The following CNBD1 variants were observed in gnomAD, a reference collection of about 807,000 sequenced individuals.
CNBD1 encodes cyclic nucleotide-binding domain-containing protein 1.
A neutral mutation model predicts 54.4 loss-of-function variants in CNBD1; 71 were observed. The observed-to-expected ratio is 1.30, with a 90% CI of 1.08 to 1.59. The LOEUF is 1.59. Ranked by LOEUF, CNBD1 falls within the 40% of genes most tolerant of loss-of-function variation. CNBD1 has a pLI of 0.00. For missense variants in CNBD1, 659 were observed against 518.0 expected (o/e 1.27, Z -2.64); for synonymous variants, 182 against 170.7 (o/e 1.07, Z -0.51).
intron 4 of CNBD1, among the ~76,000 whole-genome samples, chr8:86,972,174 A>G (rs1808237897): frequency 2.0e-5 from 3 of 150,946 alleles, no homozygotes; most frequent in Admixed American, 2.0e-4. Flanking sequence ...CTGATCTTGA[A>G]CTCCTGACCT....
At chr8:86,924,732 A>G (rs1450960343) in intron 3 of CNBD1, among the ~76,000 whole-genome samples, 1 of 152,206 alleles carries the variant, frequency 6.6e-6, no homozygotes, top group Non-Finnish European at 1.5e-5. Context: ...ATATTGCTAT[A>G]TATTAAAGCT....
At chr8:86,901,804 T>C (rs1808937655) in intron 2 of CNBD1, among the ~76,000 whole-genome samples, 1 of 152,096 alleles carries the variant, frequency 6.6e-6, no homozygotes, top group African/African-American at 2.4e-5. Flanking sequence ...GCCTTCTCTT[T>C]CATATTCCAC....
At chr8:87,244,987 A>G (rs559427876) in intron 6 of CNBD1, among the ~76,000 whole-genome samples, 1 of 152,296 alleles carries the variant, frequency 6.6e-6, no homozygotes, top group African/African-American at 2.4e-5. Flanking sequence ...AAATGTAAAC[A>G]TTAGAATATT....
chr8:87,048,529 A>G lies in CNBD1; in HGVS notation c.431+108775A>G, dbSNP rs78272572. Among the ~76,000 whole-genome samples, 817 of 152,236 alleles carry G rather than the reference A, an allele frequency of 5.4e-3. 7 individuals are homozygous for G. The highest frequency in any genetic ancestry group is 0.019 in the African/African-American group (776 of 41,524). The stretch of plus-strand genomic sequence containing the variant: ...CTCGAGGCACAATGTAGATGGTATT[A>G]TATGCCCAGTGCTTTTGGGTAACAG... On this transcript the variant is annotated intron_variant, in intron 4 of 10. Coordinates refer to ENST00000518476, the MANE Select transcript of CNBD1 (RefSeq NM_173538.3).
intron 6 of CNBD1, among the ~76,000 whole-genome samples, chr8:87,268,084 A>G (rs1336865792): frequency 2.0e-5 from 3 of 152,072 alleles, no homozygotes; most frequent in African/African-American, 4.8e-5. Flanking sequence ...CACAACAGGT[A>G]GCCTTCCAAC....
rs1809841407 is a variant in CNBD1 at position 87,331,935 on chromosome 8, A to T, written c.1043-19750A>T. ...TTGTTTTTTTCTTGTAAATTTGTTT[A>T]AATTCCCTGTAAATTCTGTATATTA... On this transcript the variant is annotated intron_variant, in intron 8 of 10. Transcript: ENST00000518476. Among the ~76,000 whole-genome samples, 3 of 152,102 alleles carry T rather than the reference A, an allele frequency of 2.0e-5. No homozygotes were observed. The South Asian group carries it at 6.2e-4, about 31-fold the overall frequency.
chr8:87,159,249 C>A (rs1171963040), intron 4 of CNBD1, among the ~76,000 whole-genome samples: 1 of 152,086 alleles, frequency 6.6e-6, no homozygotes, highest in Non-Finnish European at 1.5e-5. Flanking sequence ...TATATAAACA[C>A]CAGTGGCCTT....
chr8:86,980,058 C>G (rs1002072054), intron 4 of CNBD1, among the ~76,000 whole-genome samples: 1 of 152,170 alleles, frequency 6.6e-6, no homozygotes, highest in Non-Finnish European at 1.5e-5. Context: ...CTCTCAAATA[C>G]TTGCTTTTTT....
At chr8:87,414,113 G>A (rs1325235424) in intron 2 of CNBD1, among the ~76,000 whole-genome samples, 3 of 152,050 alleles carry the variant, frequency 2.0e-5, no homozygotes, top group Non-Finnish European at 1.5e-5. Flanking sequence ...CAAAGACTTG[G>A]AACCAACCCA....
intron 10 of CNBD1, among the ~76,000 whole-genome samples, chr8:87,380,104 T>A (rs1184573421): frequency 6.6e-6 from 1 of 152,062 alleles, no homozygotes; most frequent in African/African-American, 2.4e-5. Flanking sequence ...GTTTGCTTAT[T>A]ATAATTACAT....
At position 86,980,642 on chromosome 8, in the gene CNBD1, C is replaced by T. The variant is rs750211865; in HGVS notation, c.431+40888C>T. On this transcript the variant is annotated intron_variant, in intron 4 of 10. Transcript: ENST00000518476. ...CTTACTTTTTTTGGTTACACTTTGC[C>T]GTGTTTTAGGAAGCAAATTATTTGC... 2.8e-4 allele frequency among the ~76,000 whole-genome samples: 43 copies of T among 152,056 alleles called. 1 individual carries two copies. In the Middle Eastern group the frequency reaches 0.021, roughly 73 times the overall value.
intron 6 of CNBD1, among the ~76,000 whole-genome samples, chr8:87,264,079 G>T (rs1351599046): frequency 6.6e-6 from 1 of 152,070 alleles, no homozygotes; most frequent in Non-Finnish European, 1.5e-5. Context: ...CATGTGCCAT[G>T]TTGGTGTGCT....
intron 7 of CNBD1, 50 bp downstream of exon 7, chr8:87,284,865 A>C: frequency 2.5e-5 from 33 of 1,331,906 alleles, no homozygotes; most frequent in Non-Finnish European, 3.2e-5. Flanking sequence ...GCATAAACTC[A>C]AGCTACATTT....
intron 2 of CNBD1, among the ~76,000 whole-genome samples, chr8:87,394,784 A>G (rs984816540): frequency 6.6e-6 from 1 of 151,906 alleles, no homozygotes; most frequent in Non-Finnish European, 1.5e-5. Flanking sequence ...CTGTTTGGTT[A>G]AGTTTTATAA....
Position 87,382,663 on chromosome 8 carries a change from A to C in CNBD1, c.*36A>C, listed in dbSNP as rs1197035244. On this transcript the variant is annotated 3_prime_UTR_variant, in exon 11 of 11. Transcript: ENST00000518476. ...AACCTCAGTGAACATTAATTAAGAA[A>C]GTATTGACTAAATAATGGAATAATT... The C allele has an allele frequency of 6.9e-7, 1 of 1,458,028 alleles. No individual in the cohort carries two copies. Among genetic ancestry groups the C allele is most frequent in the South Asian group, 1.2e-5 (1 of 80,244 alleles). 90.3% of individuals were successfully genotyped at this position (1,458,028 alleles called of 1,614,324 possible).
intron 10 of CNBD1, among the ~76,000 whole-genome samples, chr8:87,376,498 T>C (rs1810942038): frequency 6.6e-6 from 1 of 151,956 alleles, no homozygotes; most frequent in Non-Finnish European, 1.5e-5. Flanking sequence ...ATGCTAACTT[T>C]TTTAACAGTA....
intron 4 of CNBD1, among the ~76,000 whole-genome samples, chr8:87,062,267 G>T (rs1053574362): frequency 4.6e-5 from 7 of 151,922 alleles, no homozygotes; most frequent in African/African-American, 1.7e-4. Context: ...TGTCATTTTA[G>T]GCTTGAAAAA....
At chr8:87,311,594 A>T (rs1809267603) in intron 8 of CNBD1, among the ~76,000 whole-genome samples, 2 of 152,120 alleles carry the variant, frequency 1.3e-5, no homozygotes, top group Admixed American at 1.3e-4. Context: ...CCAATTATTG[A>T]GTATATATCT....
intron 4 of CNBD1, among the ~76,000 whole-genome samples, chr8:87,153,190 G>A (rs1375965662): frequency 1.3e-5 from 2 of 152,100 alleles, no homozygotes; most frequent in African/African-American, 4.8e-5. Flanking sequence ...ATAAAATATT[G>A]AAAGGTGATG....
Sources: allele counts gnomAD v4.1 joint callset (sites outside exome capture counted in the v4.1 genomes callset), GRCh38; gene constraint gnomAD v4.1.1; transcripts MANE v1.5; gene names NCBI Gene and HGNC (gene_info 2026-07-23, HGNC 2026-07-21).